TRAPPC9: variants seen among roughly 807,000 people sequenced by gnomAD.
TRAPPC9 encodes the protein IKK2 binding protein.
In TRAPPC9, 83 loss-of-function variants were observed where a neutral mutation model predicts 124.0. The ratio of observed to expected loss-of-function variants is 0.67; its 90% CI spans 0.56 to 0.80. The LOEUF is 0.80. Among genes scored for constraint, TRAPPC9 ranks in the 30% least tolerant of loss-of-function variants. The probability of loss-of-function intolerance (pLI) is 0.00; values close to 1 mark genes in which losing one functional copy is unlikely to be tolerated. For synonymous variants in TRAPPC9, 638 were observed against 617.5 expected, an observed-to-expected ratio of 1.03 and a Z score of -0.49; for missense variants, 1,302 against 1,508.3, an observed-to-expected ratio of 0.86 and a Z score of 2.27.
intron 8 of TRAPPC9, among the ~76,000 whole-genome samples, chr8:140,361,513 C>T (rs533986741): frequency 1.4e-4 from 21 of 152,268 alleles, no homozygotes; most frequent in Admixed American, 2.6e-4. Context: ...GTGCAATAAC[C>T]CATTTAAAGC....
At chr8:140,069,686 A>G (rs1244820115) in intron 17 of TRAPPC9, among the ~76,000 whole-genome samples, 3 of 152,174 alleles carry the variant, frequency 2.0e-5, no homozygotes, top group African/African-American at 4.8e-5. Flanking sequence ...CCAATCAGAC[A>G]CAGTGTGTGT....
intron 17 of TRAPPC9, among the ~76,000 whole-genome samples, chr8:140,090,352 G>A (rs573260389): frequency 2.6e-5 from 4 of 152,132 alleles, no homozygotes; most frequent in African/African-American, 4.8e-5. Flanking sequence ...CCCTCCTACC[G>A]CACGCCACAC....
chr8:140,255,835 A>G (rs991674851), intron 15 of TRAPPC9, among the ~76,000 whole-genome samples: 3 of 152,130 alleles, frequency 2.0e-5, no homozygotes, highest in Non-Finnish European at 4.4e-5. Flanking sequence ...GCAGTGAGTC[A>G]AGGTCGCGCC....
At chr8:139,763,655 T>TGCACACACATGCACGC (rs1449988958) in intron 21 of TRAPPC9, among the ~76,000 whole-genome samples, 4 of 151,870 alleles carry the variant, frequency 2.6e-5, no homozygotes, top group Admixed American at 1.3e-4. Context: ...CACAGGCACA[T>TGCACACACATGCACGC]GCACACACAT....
chr8:140,163,907 A>C (rs1048318994), intron 17 of TRAPPC9, among the ~76,000 whole-genome samples: 1 of 152,256 alleles, frequency 6.6e-6, no homozygotes, highest in East Asian at 1.9e-4. Context: ...TTAATTAACA[A>C]ATGGAAAGGA....
At chr8:140,243,529 G>A (rs568661761) in intron 16 of TRAPPC9, among the ~76,000 whole-genome samples, 1 of 152,332 alleles carries the variant, frequency 6.6e-6, no homozygotes, top group South Asian at 2.1e-4. Context: ...AGAGCCCTAT[G>A]ATACAGATAA....
chr8:140,012,125 A>G (rs886308317), intron 18 of TRAPPC9, among the ~76,000 whole-genome samples: 1 of 152,216 alleles, frequency 6.6e-6, no homozygotes, highest in Non-Finnish European at 1.5e-5. Flanking sequence ...TACATTTTGT[A>G]TAACAAGTTT....
rs932445243 is a variant in TRAPPC9, at chr8:140,173,337, G to A, written c.2556+48122C>T. Among the ~76,000 whole-genome samples, 25 of 152,192 alleles carry A rather than the reference G, an allele frequency of 1.6e-4. 1 individual carries two copies. The highest frequency in any genetic ancestry group is 1.2e-3 in the Admixed American group (18 of 15,296). ...TGGGAGGCCGAGGCAGGAGGATCAC[G>A]AGGTCAGGAGATCGAGACCATCCTG... On this transcript the variant is annotated intron_variant, in intron 17 of 22. Transcript: ENST00000438773.
At position 139,813,585 on chromosome 8, in the gene TRAPPC9, G is replaced by C. The variant is rs991486653; in HGVS notation, c.3055+72294C>G. ...CAGCACCTTGGCAGCAGCACCGGGT[G>C]GGGAGAGGCAAACAGCTCACCATGA... On this transcript the variant is annotated intron_variant, in intron 21 of 22. Coordinates refer to ENST00000438773, the MANE Select transcript of TRAPPC9 (RefSeq NM_001160372.4). 3.9e-5 allele frequency among the ~76,000 whole-genome samples: 6 copies of C among 152,368 alleles called. No homozygotes were observed. The East Asian group carries it at 5.8e-4, about 15-fold the overall frequency.
chr8:139,823,121 A>G (rs778136961), intron 21 of TRAPPC9, among the ~76,000 whole-genome samples: 1 of 151,880 alleles, frequency 6.6e-6, no homozygotes, highest in African/African-American at 2.4e-5. Context: ...TCCACATACA[A>G]CCACACTGGG....
chr8:140,170,992 C>G (rs1408981009), intron 17 of TRAPPC9, among the ~76,000 whole-genome samples: 4 of 152,200 alleles, frequency 2.6e-5, no homozygotes, highest in African/African-American at 9.6e-5. Flanking sequence ...AAAACACCAG[C>G]CTGACACCTG....
chr8:139,744,005 A>C (rs1818723922), intron 21 of TRAPPC9, among the ~76,000 whole-genome samples: 1 of 152,180 alleles, frequency 6.6e-6, no homozygotes, highest in Non-Finnish European at 1.5e-5. Flanking sequence ...AGCCACTGCC[A>C]CACAAGTGCA....
At chr8:139,964,661 C>G (rs1187543514) in intron 19 of TRAPPC9, among the ~76,000 whole-genome samples, 4 of 151,412 alleles carry the variant, frequency 2.6e-5, no homozygotes, top group African/African-American at 4.9e-5. Flanking sequence ...TACAAATATG[C>G]AGAACAGCAT....
At chr8:140,080,517 C>T (rs1843751941) in intron 17 of TRAPPC9, among the ~76,000 whole-genome samples, 2 of 152,254 alleles carry the variant, frequency 1.3e-5, no homozygotes, top group South Asian at 4.1e-4. Context: ...CACCAGAGGG[C>T]ATATGCAAAG....
At chr8:140,012,933 G>A (rs1052880220) in intron 18 of TRAPPC9, among the ~76,000 whole-genome samples, 1 of 152,150 alleles carries the variant, frequency 6.6e-6, no homozygotes, top group Non-Finnish European at 1.5e-5. Flanking sequence ...GGGTTACAGG[G>A]AGAGCAGGGT....
At chr8:140,438,563 G>A (rs1052081631) in intron 3 of TRAPPC9, among the ~76,000 whole-genome samples, 1 of 152,166 alleles carries the variant, frequency 6.6e-6, no homozygotes, top group Admixed American at 6.5e-5. Context: ...GTGGGAGGAG[G>A]GCAGCAGATA....
intron 20 of TRAPPC9, among the ~76,000 whole-genome samples, chr8:139,890,298 C>T (rs77359620): frequency 4.9e-4 from 75 of 152,364 alleles, no homozygotes; most frequent in African/African-American, 1.8e-3. Flanking sequence ...GCTCTCCGTT[C>T]CGAGCACCCC....
At chr8:140,343,722 C>T (rs1203449746) in intron 9 of TRAPPC9, among the ~76,000 whole-genome samples, 1 of 152,144 alleles carries the variant, frequency 6.6e-6, no homozygotes, top group Non-Finnish European at 1.5e-5. Context: ...CTGGCCTCCC[C>T]GGGGTCCCTG....
intron 15 of TRAPPC9, among the ~76,000 whole-genome samples, chr8:140,253,929 C>T (rs905841421): frequency 6.6e-6 from 1 of 152,132 alleles, no homozygotes. Flanking sequence ...TACTGCACCA[C>T]AGGGTTATTT....
Sources: gnomAD v4.1 joint callset for allele counts (sites outside exome capture counted in the v4.1 genomes callset) on GRCh38, gnomAD v4.1.1 for gene constraint, MANE v1.5 for transcripts, NCBI Gene and HGNC (gene_info 2026-07-23, HGNC 2026-07-21) for gene names.